NRK: variants seen among roughly 807,000 people sequenced by gnomAD.
NRK encodes nik-related protein kinase.
Under a neutral mutation model 125.2 loss-of-function variants are expected in NRK, and 67 were observed. The observed-to-expected ratio is 0.54, with a 90% CI of 0.44 to 0.66. The LOEUF (loss-of-function observed/expected upper bound fraction) is 0.66, where lower values mean the gene tolerates loss of function less well. Among genes scored for constraint, NRK ranks in the 30% least tolerant of loss-of-function variants. The pLI is 0.00. For synonymous variants in NRK, 458 were observed against 429.0 expected, an observed-to-expected ratio of 1.07 and a Z score of -0.84; for missense variants, 1,224 against 1,192.9, an observed-to-expected ratio of 1.03 and a Z score of -0.38.
chrX:105,858,024 CT>C (rs2051721541), intron 2 of NRK, among the ~76,000 whole-genome samples: 1 of 111,194 alleles, frequency 9.0e-6, no homozygotes, highest in South Asian at 3.8e-4. Context: ...CTACTGTTCT[CT>C]TCTCTATCTT....
Position 105,906,548 on chromosome X carries a change from C to T in NRK, c.980C>T (p.Thr327Ile), listed in dbSNP as rs764791844. Residue 327 changes from threonine to isoleucine, a missense_variant, in exon 11 of 29, where the codon ACA becomes ATA. Coordinates refer to ENST00000243300, the MANE Select transcript of NRK (RefSeq NM_198465.4). ...GAACGACATGTTGTTGAGTCATTAA[C>T]AAGGCATCTTACTGGAATCATTAAA... The part of the protein sequence containing the change: ...KNERHVVESL[T>I]RHLTGIIKKR... 8.0e-6 allele frequency: 9 copies of T among 1,128,813 alleles called. No individual in the cohort carries two copies. The African/African-American group carries it at 1.4e-4, about 18-fold the overall frequency. 93.0% of individuals were successfully genotyped at this position (1,128,813 alleles called of 1,213,427 possible).
intron 2 of NRK, among the ~76,000 whole-genome samples, chrX:105,876,646 C>A (rs1301998445): frequency 8.9e-6 from 1 of 111,915 alleles, no homozygotes; most frequent in Admixed American, 9.5e-5. Context: ...AACTAAATTT[C>A]TTTCTTAACG....
At chrX:105,893,638 A>T (rs1261389339) in intron 5 of NRK, among the ~76,000 whole-genome samples, 194 bp from the exon 6 acceptor site, 3 of 112,011 alleles carry the variant, frequency 2.7e-5, no homozygotes, top group Non-Finnish European at 5.6e-5. Flanking sequence ...CTGCCTCCAC[A>T]AATCTTTGGT....
In NRK at chrX:105,958,308, A is replaced by G. The variant is rs143086389; in HGVS notation, c.*2708A>G. 8.9e-5 allele frequency: 10 copies of G among 112,439 alleles called. No homozygotes were observed. In the East Asian group the frequency reaches 2.5e-3, roughly 28 times the overall value. The allele number at this position is 112,439 out of a possible 1,213,427, so 9.3% of individuals were successfully genotyped here. A position where few individuals can be genotyped will look rare whatever the true frequency, so the allele number is the denominator to read the frequency against. On this transcript the variant is annotated 3_prime_UTR_variant, in exon 29 of 29. Transcript: ENST00000243300. ...AGCAGAATCACATGTGCACACACAC[A>G]TACACATGTAAACATTGGAATGCAT...
In NRK at chrX:105,921,531, T is replaced by C. The variant is rs759837077; in HGVS notation, c.2513-433T>C. ...GAACTCTCCTCTTGAGGGTTTTGGCTAGTCTATCATCTTCTAATAAATACA... is the reference window on the plus strand; with the variant it reads ...GAACTCTCCTCTTGAGGGTTTTGGCCAGTCTATCATCTTCTAATAAATACA... On this transcript the variant is annotated intron_variant, in intron 16 of 28. Transcript: ENST00000243300. 2.7e-5 allele frequency among the ~76,000 whole-genome samples: 3 copies of C among 110,176 alleles called. No individual in the cohort carries two copies. In the Admixed American group the frequency reaches 2.9e-4, roughly 11 times the overall value.
chrX:105,901,901 C>T (rs1429843142), intron 9 of NRK, among the ~76,000 whole-genome samples: 1 of 110,629 alleles, frequency 9.0e-6, no homozygotes, highest in African/African-American at 3.3e-5. Context: ...CTGATTATTT[C>T]TGTTTTGGAA....
intron 2 of NRK, among the ~76,000 whole-genome samples, chrX:105,838,838 C>G (rs1313345083): frequency 9.1e-6 from 1 of 110,056 alleles, no homozygotes; most frequent in Non-Finnish European, 1.9e-5. Flanking sequence ...AGGTCACAGT[C>G]AGGAGCAAAT....
intron 2 of NRK, among the ~76,000 whole-genome samples, chrX:105,833,016 A>G (rs2039215036): frequency 9.0e-6 from 1 of 111,056 alleles, no homozygotes; most frequent in African/African-American, 3.3e-5. Context: ...GTGACAGAGC[A>G]AGACCTTATC....
At chrX:105,864,313 G>C (rs888134092) in intron 2 of NRK, among the ~76,000 whole-genome samples, 10 of 111,307 alleles carry the variant, frequency 9.0e-5, no homozygotes, top group Non-Finnish European at 1.7e-4. Context: ...ATATCTGTGG[G>C]CTACTTCACT....
At chrX:105,890,892 G>A (rs1011745840) in intron 5 of NRK, among the ~76,000 whole-genome samples, 2 of 111,274 alleles carry the variant, frequency 1.8e-5, no homozygotes, top group East Asian at 2.8e-4. Context: ...ATAAAATATG[G>A]GAAAATAACT....
intron 2 of NRK, among the ~76,000 whole-genome samples, chrX:105,847,803 C>G (rs951924845): frequency 9.0e-6 from 1 of 111,644 alleles, no homozygotes; most frequent in Non-Finnish European, 1.9e-5. Context: ...CCTGCCATGC[C>G]ACAGTGGGAG....
intron 2 of NRK, among the ~76,000 whole-genome samples, chrX:105,848,174 G>A (rs1437550572): frequency 9.0e-6 from 1 of 111,631 alleles, no homozygotes; most frequent in Non-Finnish European, 1.9e-5. Context: ...AGGTCAATCC[G>A]TTATTTATAG....
Position 105,879,435 on chromosome X carries a change from A to G in NRK, c.124-764A>G, listed in dbSNP as rs597783. Among the ~76,000 whole-genome samples the G allele has an allele frequency of 6.9e-3, 764 of 111,260 alleles. 8 individuals carry two copies. The highest frequency in any genetic ancestry group is 0.058 in the South Asian group (151 of 2,599). On this transcript the variant is annotated intron_variant, in intron 2 of 28. Transcript: ENST00000243300. ...GGAATATGTCTAGAAGGTACCAGCC[A>G]CAAAATAGGAGATCTGATTCCAAAC...
chrX:105,858,545 A>G (rs2039562285), intron 2 of NRK, among the ~76,000 whole-genome samples: 1 of 110,863 alleles, frequency 9.0e-6, no homozygotes, highest in African/African-American at 3.3e-5. Flanking sequence ...GCTCACTTAT[A>G]CTGCCAGCTG....
intron 2 of NRK, among the ~76,000 whole-genome samples, chrX:105,855,743 G>T (rs1374246453): frequency 8.9e-6 from 1 of 111,862 alleles, no homozygotes; most frequent in African/African-American, 3.2e-5. Context: ...TATATTATGT[G>T]AAAGATAAAG....
At chrX:105,835,023 T>G (rs1254314102) in intron 2 of NRK, among the ~76,000 whole-genome samples, 1 of 111,940 alleles carries the variant, frequency 8.9e-6, no homozygotes, top group Non-Finnish European at 1.9e-5. Context: ...AGAGGCTGGT[T>G]ATGTTGATTG....
At chrX:105,830,615 A>G (rs1363593017) in intron 1 of NRK, among the ~76,000 whole-genome samples, 3 of 111,093 alleles carry the variant, frequency 2.7e-5, no homozygotes, top group Non-Finnish European at 3.8e-5. Flanking sequence ...AGAACAAGGC[A>G]GATTGGAAAT....
At chrX:105,902,990 T>G (rs2040178566) in intron 9 of NRK, among the ~76,000 whole-genome samples, 1 of 111,287 alleles carries the variant, frequency 9.0e-6, no homozygotes, top group African/African-American at 3.3e-5. Flanking sequence ...AGTCCCTAGT[T>G]TCTGGGTAGG....
chrX:105,895,790 G>A lies in NRK; in HGVS notation c.580+267G>A, dbSNP rs759678596. 7.2e-5 allele frequency among the ~76,000 whole-genome samples: 8 copies of A among 111,428 alleles called. No homozygotes were observed. The South Asian group carries it at 2.6e-3, about 37-fold the overall frequency. ...AATGGGGATTTACTTTTTGGCCATC[G>A]CTTTACCCTCTATTAGAAATAGCTA... On this transcript the variant is annotated intron_variant, in intron 7 of 28. Coordinates refer to ENST00000243300, the MANE Select transcript of NRK (RefSeq NM_198465.4).
Sources: allele counts gnomAD v4.1 joint callset (sites outside exome capture counted in the v4.1 genomes callset), GRCh38; gene constraint gnomAD v4.1.1; transcripts MANE v1.5; gene names NCBI Gene and HGNC (gene_info 2026-07-23, HGNC 2026-07-21).